Variants in SV2B observed in about 807,000 individuals in gnomAD.
The protein encoded by SV2B is solute carrier family 22 member B2.
A neutral mutation model predicts 73.9 loss-of-function variants in SV2B; 41 were observed. The observed-to-expected ratio is 0.56, with a 90% CI of 0.43 to 0.72. The LOEUF is 0.72. Among genes scored for constraint, SV2B ranks in the 30% least tolerant of loss-of-function variants. The probability of loss-of-function intolerance (pLI) is 0.00; values close to 1 mark genes in which losing one functional copy is unlikely to be tolerated. For synonymous variants in SV2B, 314 were observed against 314.2 expected, an observed-to-expected ratio of 1.00 and a Z score of 0.01; for missense variants, 764 against 857.8, an observed-to-expected ratio of 0.89 and a Z score of 1.37.
chr15:91,197,228 T>TTTGTC lies in SV2B; in HGVS notation c.-391-28641_-391-28640insCTTGT, dbSNP rs1292505639. 7.0e-6 allele frequency among the ~76,000 whole-genome samples: 1 copy of TTTGTC among 142,844 alleles called. No individual in the cohort carries two copies. Among genetic ancestry groups the TTTGTC allele is most frequent in the African/African-American group, 3.0e-5 (1 of 32,930 alleles). 93.7% of individuals were successfully genotyped at this position (142,844 alleles called of 152,430 possible). ...GTGTTTTTTTTGTTTTTTGTTTTGT[T>TTTGTC]TTGTTTTGTTTTGTTTTGAGACAGA... On this transcript the variant is annotated intron_variant, in intron 1 of 12. Transcript: ENST00000394232. The surrounding 1 kb of genome is among the most constrained non-coding windows in gnomAD (Gnocchi z 4.9).
At position 91,284,035 on chromosome 15, in the gene SV2B, A is replaced by C; in HGVS notation, c.1522A>C (p.Lys508Gln). 6.2e-7 allele frequency: 1 copy of C among 1,614,154 alleles called. No individual in the cohort carries two copies. ...TCTCTCCCCAGACCTCTACGAGCAC[A>C]AGTTCATCAACTGTCGGTTTATCAA... is the stretch of plus-strand genomic sequence containing the variant. Reference protein sequence around the residue: ...IFYNTDLYEHKFINCRFINST... With the variant: ...IFYNTDLYEHQFINCRFINST... The change falls in exon 11 of 13, where the codon AAG becomes CAG. Residue 508 changes from lysine (K) to glutamine (Q), a missense_variant. Coordinates refer to ENST00000394232, the MANE Select transcript of SV2B (RefSeq NM_001323032.3). The surrounding 1 kb of genome is among the most constrained non-coding windows in gnomAD (Gnocchi z 4.5).
chr15:91,108,017 G>GTGA lies in SV2B; in HGVS notation c.-392+7668_-392+7670dup, dbSNP rs1172980721. Among the ~76,000 whole-genome samples, 3 of 152,066 alleles carry GTGA rather than the reference G, an allele frequency of 2.0e-5. 1 individual carries two copies. The South Asian group carries it at 6.2e-4, about 32-fold the overall frequency. Reference sequence around the variant, plus strand: ...ATGATGGTGGTGTGGTGTGGTGGTGGTGATGATGATGATGATAGTAATCAT... The same window carrying GTGA: ...ATGATGGTGGTGTGGTGTGGTGGTGGTGATGATGATGATGATGATAGTAATCAT... On this transcript the variant is annotated intron_variant, in intron 1 of 12. Coordinates refer to ENST00000394232, the MANE Select transcript of SV2B (RefSeq NM_001323032.3).
chr15:91,150,284 G>C (rs989216311), intron 1 of SV2B, among the ~76,000 whole-genome samples: 2 of 152,184 alleles, frequency 1.3e-5, no homozygotes, highest in Non-Finnish European at 2.9e-5. Context: ...TGGGATTACA[G>C]ACGTGAGCCA....
chr15:91,147,731 G>T (rs1055246345), intron 1 of SV2B, among the ~76,000 whole-genome samples: 2 of 152,082 alleles, frequency 1.3e-5, no homozygotes, highest in Non-Finnish European at 2.9e-5. Context: ...GCCTGAATCC[G>T]GGAAGGGAGA....
chr15:91,223,981 G>T lies in SV2B; in HGVS notation c.-391-1892G>T, dbSNP rs72655641. On this transcript the variant is annotated intron_variant, in intron 1 of 12. Transcript: ENST00000394232. This position sits in a 1 kb window ranked among gnomAD's most constrained non-coding sequence, Gnocchi z 4.6. Reference sequence around the variant, plus strand: ...TTGGCATTTCTGTTGAGCCGCCCACGTTCTGAGTGGTGCTTCACCCTGTAA... The same window carrying T: ...TTGGCATTTCTGTTGAGCCGCCCACTTTCTGAGTGGTGCTTCACCCTGTAA... 3.3e-5 allele frequency among the ~76,000 whole-genome samples: 5 copies of T among 152,202 alleles called. No individual in the cohort carries two copies. Among genetic ancestry groups the T allele is most frequent in the Non-Finnish European group, 5.9e-5 (4 of 68,046 alleles).
chr15:91,144,999 T>A (rs1567288554), intron 1 of SV2B, among the ~76,000 whole-genome samples: 1 of 152,110 alleles, frequency 6.6e-6, no homozygotes, highest in Non-Finnish European at 1.5e-5. Context: ...TTAATTTTTA[T>A]TTTAAGTTCA....
chr15:91,160,747 G>A (rs2043685497), intron 1 of SV2B, among the ~76,000 whole-genome samples: 1 of 152,116 alleles, frequency 6.6e-6, no homozygotes, highest in Non-Finnish European at 1.5e-5. Context: ...TGTGATAAAA[G>A]TACTAATTAA....
chr15:91,169,858 C>G (rs1430609684), intron 1 of SV2B, among the ~76,000 whole-genome samples: 1 of 152,148 alleles, frequency 6.6e-6, no homozygotes, highest in Non-Finnish European at 1.5e-5. Flanking sequence ...GTCAGACATT[C>G]ATTTAGCAGC....
chr15:91,226,693 A>G lies in SV2B; in HGVS notation c.430A>G (p.Ser144Gly). Residue 144 changes from serine to glycine, a missense_variant, in exon 2 of 13, where the codon AGT becomes GGT. Physicochemically the swap from Ser to Gly is moderately conservative, Grantham distance 56 (BLOSUM62 0). Transcript: ENST00000394232. ...PSAEKDMCLS[S>G]SKKGMLGMIV... ...TGCAGAGAAGGACATGTGTCTGTCCAGTTCCAAAAAAGGAATGCTAGGTAA... is the reference window on the plus strand; with the variant it reads ...TGCAGAGAAGGACATGTGTCTGTCCGGTTCCAAAAAAGGAATGCTAGGTAA... 1.2e-6 allele frequency: 2 copies of G among 1,608,338 alleles called. No individual in the cohort carries two copies. The highest frequency in any genetic ancestry group is 1.7e-4 in the Middle Eastern group (1 of 6,052).
At chr15:91,208,247 G>C (rs1307423156) in intron 1 of SV2B, among the ~76,000 whole-genome samples, 3 of 152,082 alleles carry the variant, frequency 2.0e-5, no homozygotes, top group Non-Finnish European at 4.4e-5. Flanking sequence ...TAAGCCCTCT[G>C]CATTTTGCAA....
intron 1 of SV2B, among the ~76,000 whole-genome samples, chr15:91,145,246 G>A (rs1242550540): frequency 6.6e-6 from 1 of 152,088 alleles, no homozygotes; most frequent in African/African-American, 2.4e-5. Flanking sequence ...GCAATATTTG[G>A]TTTTCTATTC....
At chr15:91,112,539 C>G (rs1730492824) in intron 1 of SV2B, among the ~76,000 whole-genome samples, 1 of 152,076 alleles carries the variant, frequency 6.6e-6, no homozygotes, top group South Asian at 2.1e-4. Flanking sequence ...GTTGTTGTTA[C>G]CCAAAACAAA....
Position 91,221,851 on chromosome 15 carries a change from A to G in SV2B, c.-391-4022A>G, listed in dbSNP as rs1385553764. ...CCTGCTGCACTGCACTGCTGTGTCC[A>G]GTTTAACAACCTTCACTGGCTCTCT... is the stretch of plus-strand genomic sequence containing the variant. On this transcript the variant is annotated intron_variant, in intron 1 of 12. Transcript: ENST00000394232. Among the ~76,000 whole-genome samples the G allele has an allele frequency of 2.6e-5, 4 of 152,294 alleles. No individual in the cohort carries two copies. In the East Asian group the frequency reaches 7.7e-4, roughly 29 times the overall value.
At position 91,289,285 on chromosome 15, in the gene SV2B, G is replaced by C. The variant is rs745920755; in HGVS notation, c.1709-236G>C. Among the ~76,000 whole-genome samples the C allele has an allele frequency of 1.3e-5, 2 of 152,208 alleles. No individual in the cohort carries two copies. The highest frequency in any genetic ancestry group is 2.9e-5 in the Non-Finnish European group (2 of 68,030). The stretch of plus-strand genomic sequence containing the variant: ...GCACCACCTTAGAGTGGTGACTTCA[G>C]AATCCTTCCTAAGTCTGGTGATCTG... On this transcript the variant is annotated intron_variant, in intron 11 of 12. Coordinates refer to ENST00000394232, the MANE Select transcript of SV2B (RefSeq NM_001323032.3). This position sits in a 1 kb window ranked among gnomAD's most constrained non-coding sequence, Gnocchi z 4.9.
intron 1 of SV2B, among the ~76,000 whole-genome samples, chr15:91,133,678 A>C (rs915176212): frequency 6.6e-6 from 1 of 152,168 alleles, no homozygotes; most frequent in African/African-American, 2.4e-5. Context: ...CTGCAACTCC[A>C]AACTCTCCAC....
At chr15:91,208,866 G>A (rs896582325) in intron 1 of SV2B, among the ~76,000 whole-genome samples, 1 of 152,184 alleles carries the variant, frequency 6.6e-6, no homozygotes, top group Non-Finnish European at 1.5e-5. Flanking sequence ...GTTCATTTCA[G>A]TATCCACGGA....
chr15:91,138,930 A>G (rs1447763132), intron 1 of SV2B, among the ~76,000 whole-genome samples: 1 of 152,210 alleles, frequency 6.6e-6, no homozygotes, highest in African/African-American at 2.4e-5. Flanking sequence ...AGAAAGTGAT[A>G]TCAACCAATT....
In SV2B at chr15:91,236,215, A is replaced by T. The variant is rs2046775441; in HGVS notation, c.451+9501A>T. 6.6e-6 allele frequency among the ~76,000 whole-genome samples: 1 copy of T among 152,224 alleles called. No homozygotes were observed. The highest frequency in any genetic ancestry group is 1.5e-5 in the Non-Finnish European group (1 of 68,032). ...AATGAGTTGTTTTTCCTCCACAGTTAAGTGCACCCTTCTGGAAGACCTGGT... is the reference window on the plus strand; with the variant it reads ...AATGAGTTGTTTTTCCTCCACAGTTTAGTGCACCCTTCTGGAAGACCTGGT... On this transcript the variant is annotated intron_variant, in intron 2 of 12. Coordinates refer to ENST00000394232, the MANE Select transcript of SV2B (RefSeq NM_001323032.3). The surrounding 1 kb of genome is among the most constrained non-coding windows in gnomAD (Gnocchi z 4.1).
rs2047554622 is a variant in SV2B, at chr15:91,253,072, T to C, written c.784+552T>C. ...GCAGGAGCCCTTATAGACAAGGTCA[T>C]GGTTTCAGCCGGGACAATTTTATTT... On this transcript the variant is annotated intron_variant, in intron 4 of 12. Coordinates refer to ENST00000394232, the MANE Select transcript of SV2B (RefSeq NM_001323032.3). This position sits in a 1 kb window ranked among gnomAD's most constrained non-coding sequence, Gnocchi z 5.0. Among the ~76,000 whole-genome samples, 2 of 152,206 alleles carry C rather than the reference T, an allele frequency of 1.3e-5. No individual in the cohort carries two copies. The highest frequency in any genetic ancestry group is 4.8e-5 in the African/African-American group (2 of 41,458).
Sources: allele counts gnomAD v4.1 joint callset (sites outside exome capture counted in the v4.1 genomes callset), GRCh38; gene constraint gnomAD v4.1.1; non-coding constraint Gnocchi (gnomAD v3.1); transcripts MANE v1.5; gene names NCBI Gene and HGNC (gene_info 2026-07-23, HGNC 2026-07-21).